Variants in PRKDC observed in about 807,000 individuals in gnomAD.
The protein encoded by PRKDC is protein kinase, DNA-activated, catalytic subunit.
PRKDC carries 82 observed loss-of-function variants against 486.9 expected under a neutral mutation model. That is an observed-to-expected ratio of 0.17 (90% confidence interval 0.14 to 0.20). The LOEUF (loss-of-function observed/expected upper bound fraction) is 0.20, where lower values mean the gene tolerates loss of function less well. Ranked by LOEUF, PRKDC falls within the 10% of genes least tolerant of loss-of-function variation. PRKDC has a pLI of 1.00. For synonymous variants in PRKDC, 1,895 were observed against 1,837.0 expected (o/e 1.03, Z -0.81); for missense variants, 4,504 against 5,038.2 (o/e 0.89, Z 3.21).
chr8:47,823,749 A>T, intron 64 of PRKDC, 109 bp downstream of exon 64: 2 of 1,306,220 alleles, frequency 1.5e-6, no homozygotes, highest in Admixed American at 3.9e-5. Context: ...TAACGAAAAG[A>T]CATTGAACCA....
chr8:47,899,931 A>T (rs981100643), intron 28 of PRKDC, among the ~76,000 whole-genome samples: 2 of 152,204 alleles, frequency 1.3e-5, no homozygotes, highest in African/African-American at 4.8e-5. Context: ...TGGATGAAAC[A>T]ACTCTATCAC....
chr8:47,880,991 G>A (rs1433244189), intron 38 of PRKDC, among the ~76,000 whole-genome samples: 1 of 150,782 alleles, frequency 6.6e-6, no homozygotes. Flanking sequence ...AGGTTGCAGT[G>A]AGCCATGATT....
intron 65 of PRKDC, among the ~76,000 whole-genome samples, chr8:47,821,246 T>C (rs112055660): frequency 1.2e-3 from 175 of 152,116 alleles, no homozygotes; most frequent in African/African-American, 4.0e-3. Flanking sequence ...TCAGGATAGG[T>C]ATGGTGTGGA....
chr8:47,939,433 A>G lies in PRKDC; in HGVS notation c.1113+118T>C, dbSNP rs535485278. The G allele has an allele frequency of 4.4e-4, 515 of 1,172,562 alleles. 1 individual carries two copies. Among genetic ancestry groups the G allele is most frequent in the Admixed American group, 6.7e-4 (29 of 43,490 alleles). The allele number at this position is 1,172,562 out of a possible 1,614,324, so 72.6% of individuals were successfully genotyped here. Reference sequence around the variant, plus strand: ...AGCCTGTGCAGTTCACGCCCATGTTATTCAAGGGTCTACTGTATTGTTACA... The same window carrying G: ...AGCCTGTGCAGTTCACGCCCATGTTGTTCAAGGGTCTACTGTATTGTTACA... On this transcript the variant is annotated intron_variant, in intron 11 of 85. Transcript: ENST00000314191.
intron 25 of PRKDC, among the ~76,000 whole-genome samples, chr8:47,907,605 G>A (rs2089814416): frequency 1.4e-5 from 2 of 146,400 alleles, no homozygotes; most frequent in South Asian, 2.2e-4. Flanking sequence ...TGAAATCTGG[G>A]CTCACTGCGA....
intron 30 of PRKDC, among the ~76,000 whole-genome samples, chr8:47,896,646 C>CAAA (rs142849899): frequency 3.8e-5 from 2 of 52,882 alleles, no homozygotes; most frequent in Non-Finnish European, 7.9e-5. Context: ...GACTCCGTCT[C>CAAA]AAAAAAAAAA....
chr8:47,875,213 C>CTT (rs527577329), intron 40 of PRKDC, among the ~76,000 whole-genome samples: 33 of 152,268 alleles, frequency 2.2e-4, no homozygotes, highest in Middle Eastern at 6.8e-3. Flanking sequence ...GCCCATTTTG[C>CTT]TTAAGTTGCT....
intron 25 of PRKDC, among the ~76,000 whole-genome samples, chr8:47,909,723 G>A (rs1177529427): frequency 6.6e-6 from 1 of 152,144 alleles, no homozygotes; most frequent in Non-Finnish European, 1.5e-5. Flanking sequence ...CCTAGGGGTA[G>A]GTCTATAGAC....
At chr8:47,795,531 C>T (rs990524768) in intron 73 of PRKDC, among the ~76,000 whole-genome samples, 7 of 132,906 alleles carry the variant, frequency 5.3e-5, no homozygotes, top group Admixed American at 4.1e-4. Flanking sequence ...CTCACTGTAT[C>T]GCTCAGGCTG....
chr8:47,790,089 G>C (rs945889853), intron 74 of PRKDC, among the ~76,000 whole-genome samples: 2 of 152,042 alleles, frequency 1.3e-5, no homozygotes, highest in Non-Finnish European at 2.9e-5. Flanking sequence ...AGAAATAAAG[G>C]GTATCTATAT....
intron 70 of PRKDC, among the ~76,000 whole-genome samples, chr8:47,801,390 A>C (rs927787602): frequency 2.0e-5 from 3 of 152,220 alleles, no homozygotes; most frequent in African/African-American, 7.2e-5. Context: ...GTTTTCTATT[A>C]AGAAATTAAT....
chr8:47,927,725 C>T, intron 20 of PRKDC, 46 bp downstream of exon 20: 1 of 1,453,484 alleles, frequency 6.9e-7, no homozygotes, highest in Non-Finnish European at 9.1e-7. Flanking sequence ...TGCTCTGGGA[C>T]TCACAACAGC....
intron 22 of PRKDC, among the ~76,000 whole-genome samples, chr8:47,917,358 C>T (rs973236811): frequency 1.1e-4 from 16 of 152,028 alleles, no homozygotes; most frequent in African/African-American, 3.6e-4. Flanking sequence ...ACTTTTATGC[C>T]GCCATTTCTA....
Position 47,782,885 on chromosome 8 carries a change from C to A in PRKDC, c.11176-287G>T. 1 of 475,778 alleles carries A rather than the reference C, an allele frequency of 2.1e-6. No individual in the cohort carries two copies. Among genetic ancestry groups the A allele is most frequent in the Non-Finnish European group, 3.8e-6 (1 of 262,084 alleles). The allele number at this position is 475,778 out of a possible 1,614,324, so 29.5% of individuals were successfully genotyped here. ...AACTTTCTACAGTAGTAAGCTAATG[C>A]TACACATATTTTATAGTGGATACTC... On this transcript the variant is annotated intron_variant, in intron 78 of 85. Coordinates refer to ENST00000314191, the MANE Select transcript of PRKDC (RefSeq NM_006904.7). This position sits in a 1 kb window ranked among gnomAD's most constrained non-coding sequence, Gnocchi z 4.9.
chr8:47,878,068 T>C (rs572013062), intron 39 of PRKDC, among the ~76,000 whole-genome samples: 3 of 151,618 alleles, frequency 2.0e-5, no homozygotes, highest in Non-Finnish European at 2.9e-5. Context: ...GTTCACTATA[T>C]ACTGAGCCTA....
At chr8:47,863,607 G>A in intron 41 of PRKDC, 30 bp from the exon 42 acceptor site, 7 of 1,532,778 alleles carry the variant, frequency 4.6e-6, no homozygotes, top group Middle Eastern at 1.7e-4. Context: ...AATTATCTTT[G>A]GTCTTATTAA....
intron 7 of PRKDC, among the ~76,000 whole-genome samples, chr8:47,953,340 A>T (rs949340617): frequency 1.3e-5 from 2 of 152,230 alleles, no homozygotes; most frequent in African/African-American, 4.8e-5. Flanking sequence ...ACAACTGCAC[A>T]GAACTAAATA....
In PRKDC at chr8:47,788,989, C is replaced by T; in HGVS notation, c.10819G>A (p.Glu3607Lys). Residue 3607 changes from glutamate to lysine, a missense_variant, in exon 76 of 86, where the codon GAA becomes AAA. Glu to Lys is a moderately conservative substitution (Grantham distance 56). This residue lies in a region of PRKDC where 706 missense variants were observed against 945.0 expected (regional missense o/e 0.75). Transcript: ENST00000314191. ...AKTPVNKKNI[E>K]KMYERMYAAL... ...GCATACATTCTTTCATACATTTTTT[C>T]AATGTTTTTTTTATTTACAGGGGTT... The T allele has an allele frequency of 6.2e-7, 1 of 1,613,242 alleles. No individual in the cohort carries two copies. The highest frequency in any genetic ancestry group is 8.5e-7 in the Non-Finnish European group (1 of 1,179,600).
intron 46 of PRKDC, 97 bp from the exon 47 acceptor site, chr8:47,859,083 A>C (rs2088614805): frequency 7.8e-7 from 1 of 1,288,992 alleles, no homozygotes; most frequent in Non-Finnish European, 1.1e-6. Context: ...AACAGCATAT[A>C]ACAAACACTT....
Sources: allele counts gnomAD v4.1 joint callset (sites outside exome capture counted in the v4.1 genomes callset), GRCh38; gene constraint gnomAD v4.1.1; regional missense constraint gnomAD v4.1.1; non-coding constraint Gnocchi (gnomAD v3.1); transcripts MANE v1.5; gene names NCBI Gene and HGNC (gene_info 2026-07-23, HGNC 2026-07-21).